The following AMPD1 variants were observed in gnomAD, a reference collection of about 807,000 sequenced individuals.
The protein encoded by AMPD1 is AMP deaminase 1.
Under a neutral mutation model 82.9 loss-of-function variants are expected in AMPD1, and 74 were observed. The ratio of observed to expected loss-of-function variants is 0.89; its 90% confidence interval spans 0.74 to 1.08. AMPD1 has a LOEUF of 1.08. Among genes scored for constraint, AMPD1 ranks in the 50% least tolerant of loss-of-function variants. AMPD1 has a pLI of 0.00. For synonymous variants in AMPD1, 333 were observed against 320.5 expected (o/e 1.04, Z -0.42); for missense variants, 881 against 924.5 (o/e 0.95, Z 0.61).
At chr1:114,678,168 T>C (rs960005448) in intron 8 of AMPD1, 127 bp from the exon 9 acceptor site, 31 of 1,475,896 alleles carry the variant, frequency 2.1e-5, no homozygotes, top group Non-Finnish European at 2.8e-5. Context: ...AGAATGGAAT[T>C]TGGGACAGGT....
intron 15 of AMPD1, 68 bp from the exon 16 acceptor site, chr1:114,673,340 T>C: frequency 6.4e-6 from 10 of 1,570,530 alleles, no homozygotes; most frequent in South Asian, 1.1e-5. Flanking sequence ...ATAATTGCAT[T>C]CTTTACAAAA....
At chr1:114,681,581 G>A (rs139032774) in intron 5 of AMPD1, among the ~76,000 whole-genome samples, 3,707 of 131,538 alleles carry the variant, frequency 0.028, 90 homozygotes, top group Non-Finnish European at 0.036. Flanking sequence ...GTGACAGAGT[G>A]AGACTCCATC....
At chr1:114,677,289 A>C in intron 10 of AMPD1, 62 bp downstream of exon 10, 2 of 1,594,446 alleles carry the variant, frequency 1.3e-6, no homozygotes, top group South Asian at 1.1e-5. Context: ...TTGTTCATAC[A>C]GGGGACTTGA....
intron 2 of AMPD1, 88 bp from the exon 3 acceptor site, chr1:114,688,829 A>G: frequency 6.9e-7 from 1 of 1,459,374 alleles, no homozygotes; most frequent in Non-Finnish European, 9.6e-7. Flanking sequence ...TGGGACAAGG[A>G]CTGTGCTGCG....
chr1:114,679,672 G>A lies in AMPD1; in HGVS notation c.804C>T (p.Ser268=), dbSNP rs1658098296. ...TYTHRRLKFL[S]SKFQVHQMLN... Reference sequence around the variant, plus strand: ...GCATCTGATGGACCTGGAACTTGGAGGAGAGGAACTTCAGGCGCCGGTGGG... The same window carrying A: ...GCATCTGATGGACCTGGAACTTGGAAGAGAGGAACTTCAGGCGCCGGTGGG... The change falls in exon 7 of 16, where the codon TCC becomes TCT. Residue 268 remains serine (S), a synonymous_variant. Transcript: ENST00000520113. 6.2e-7 allele frequency: 1 copy of A among 1,613,870 alleles called. No homozygotes were observed. The highest frequency in any genetic ancestry group is 1.3e-5 in the African/African-American group (1 of 74,844).
intron 2 of AMPD1, 146 bp downstream of exon 2, chr1:114,693,290 A>G (rs1658574566): frequency 1.3e-6 from 1 of 783,998 alleles, no homozygotes; most frequent in African/African-American, 1.7e-5. Flanking sequence ...TGGGATATCT[A>G]TGGTCATTAT....
intron 8 of AMPD1, 52 bp downstream of exon 8, chr1:114,678,279 GAC>G: frequency 6.3e-7 from 1 of 1,588,344 alleles, no homozygotes; most frequent in Non-Finnish European, 8.6e-7. Context: ...GTAGGAGAAA[GAC>G]ATGTGGGGTT....
chr1:114,680,975 A>T (rs766259660), intron 5 of AMPD1, among the ~76,000 whole-genome samples: 22 of 152,220 alleles, frequency 1.4e-4, no homozygotes, highest in Non-Finnish European at 2.8e-4. Flanking sequence ...CTCAAAAAAA[A>T]GAAAAATAAA....
At position 114,673,947 on chromosome 1, in the gene AMPD1, G is replaced by A. The variant is rs748449616; in HGVS notation, c.1936C>T (p.Leu646=). 6.2e-7 allele frequency: 1 copy of A among 1,614,116 alleles called. No homozygotes were observed. Among genetic ancestry groups the A allele is most frequent in the Non-Finnish European group, 8.5e-7 (1 of 1,179,996 alleles). Residue 646 remains leucine, a synonymous_variant, in exon 14 of 16, where the codon CTG becomes TTG. Coordinates refer to ENST00000520113, the MANE Select transcript of AMPD1 (RefSeq NM_000036.3). The part of the protein sequence containing the change: ...DFLQKGLMIS[L]STDDPMQFHF... Reference sequence around the variant, plus strand: ...AATTGCATTGGGTCATCTGTAGACAGTGAGATCATTAGCCCTTTCTGAAGG... The same window carrying A: ...AATTGCATTGGGTCATCTGTAGACAATGAGATCATTAGCCCTTTCTGAAGG...
At chr1:114,680,212 G>T in intron 6 of AMPD1, 47 bp downstream of exon 6, 1 of 1,499,994 alleles carries the variant, frequency 6.7e-7, no homozygotes, top group Non-Finnish European at 9.3e-7. Flanking sequence ...TGTTGTTTAG[G>T]TCTTGTAGTA....
intron 3 of AMPD1, 43 bp downstream of exon 3, chr1:114,688,518 C>T (rs1658385610): frequency 1.2e-6 from 2 of 1,602,874 alleles, no homozygotes; most frequent in African/African-American, 2.7e-5. Context: ...AGATACCCCT[C>T]CTTAGGTGCC....
Position 114,680,396 on chromosome 1 carries a change from C to T in AMPD1, c.630G>A (p.Met210Ile), listed in dbSNP as rs778993158. The change falls in exon 6 of 16, where the codon ATG (methionine) becomes ATA (isoleucine). Residue 210 changes from methionine (M) to isoleucine (I), a missense_variant. Coordinates refer to ENST00000520113, the MANE Select transcript of AMPD1 (RefSeq NM_000036.3). ...LPENLGYHLK[M>I]KDGVVYVYPN... Reference sequence around the variant, plus strand: ...GATAGACGTAAACTACACCGTCCTTCATTTTGAGGTGATAGCCCAGGTTTT... The same window carrying T: ...GATAGACGTAAACTACACCGTCCTTTATTTTGAGGTGATAGCCCAGGTTTT... The T allele has an allele frequency of 3.1e-6, 5 of 1,614,226 alleles. No individual in the cohort carries two copies. Among genetic ancestry groups the T allele is most frequent in the Non-Finnish European group, 4.2e-6 (5 of 1,180,052 alleles).
chr1:114,674,412 C>G (rs759368126), intron 13 of AMPD1, among the ~76,000 whole-genome samples: 42 of 152,152 alleles, frequency 2.8e-4, no homozygotes, highest in Non-Finnish European at 5.3e-4. Context: ...AAAGTTCTGA[C>G]TCTCACAAAA....
Position 114,678,403 on chromosome 1 carries a change from A to T in AMPD1, c.1022T>A (p.Leu341Gln), listed in dbSNP as rs767727681. 1 of 1,614,182 alleles carries T rather than the reference A, an allele frequency of 6.2e-7. No individual in the cohort carries two copies. The highest frequency in any genetic ancestry group is 1.1e-5 in the South Asian group (1 of 91,078). The change falls in exon 8 of 16, where the codon CTA becomes CAA. Residue 341 changes from leucine to glutamine, a missense_variant. Leu to Gln is a moderately radical substitution (Grantham distance 113, BLOSUM62 -2). Coordinates refer to ENST00000520113, the MANE Select transcript of AMPD1 (RefSeq NM_000036.3). ...VYSTKEKNLT[L>Q]KELFAKLKMH... is the part of the protein sequence containing the mutation. The stretch of plus-strand genomic sequence containing the variant: ...TTTTAATTTAGCAAAAAGTTCCTTT[A>T]GGGTCAGATTCTTCTCTTTGGTGCT...
At chr1:114,675,338 AAG>A (rs1657948848) in intron 12 of AMPD1, among the ~76,000 whole-genome samples, 190 bp downstream of exon 12, 1 of 152,202 alleles carries the variant, frequency 6.6e-6, no homozygotes, top group African/African-American at 2.4e-5. Flanking sequence ...AAGTTATTGA[AAG>A]CATCGAAATA....
In AMPD1 at chr1:114,675,511, C is replaced by T; in HGVS notation, c.1679+19G>A. 2 of 1,613,252 alleles carry T rather than the reference C, an allele frequency of 1.2e-6. No homozygotes were observed. Among genetic ancestry groups the T allele is most frequent in the Non-Finnish European group, 1.7e-6 (2 of 1,179,320 alleles). ...CTGTGTCAAATAGACCCTCCTAGCTCCAGCTGTCTCCTACTTACTTTCTCA... is the reference window on the plus strand; with the variant it reads ...CTGTGTCAAATAGACCCTCCTAGCTTCAGCTGTCTCCTACTTACTTTCTCA... On this transcript the variant is annotated intron_variant, in intron 12 of 15. Coordinates refer to ENST00000520113, the MANE Select transcript of AMPD1 (RefSeq NM_000036.3).
chr1:114,673,651 T>A lies in AMPD1; in HGVS notation c.2073A>T (p.Gly691=), dbSNP rs1351089419. 1 of 1,613,798 alleles carries A rather than the reference T, an allele frequency of 6.2e-7. No individual in the cohort carries two copies. Among genetic ancestry groups the A allele is most frequent in the East Asian group, 2.2e-5 (1 of 44,882 alleles). The change falls in exon 15 of 16, where the codon GGA becomes GGT. Residue 691 remains glycine (G), a synonymous_variant. Coordinates refer to ENST00000520113, the MANE Select transcript of AMPD1 (RefSeq NM_000036.3). ...EVARNSVLQC[G]ISHEEKVKFL... ...AAGACAGGTCTACCTCATGAGAAATTCCACACTGCAAGACACTGTTCCTTG... is the reference window on the plus strand; with the variant it reads ...AAGACAGGTCTACCTCATGAGAAATACCACACTGCAAGACACTGTTCCTTG...
chr1:114,692,001 T>C (rs1475524886), intron 2 of AMPD1, among the ~76,000 whole-genome samples: 1 of 152,198 alleles, frequency 6.6e-6, no homozygotes, highest in Non-Finnish European at 1.5e-5. Context: ...GCAAACCACA[T>C]AATAACTGGG....
At chr1:114,693,903 TA>T (rs1157154932) in intron 1 of AMPD1, among the ~76,000 whole-genome samples, 2 of 152,034 alleles carry the variant, frequency 1.3e-5, no homozygotes, top group Non-Finnish European at 2.9e-5. Context: ...TACTTATACT[TA>T]AAAAAACCAT....
Sources: allele counts gnomAD v4.1 joint callset (sites outside exome capture counted in the v4.1 genomes callset), GRCh38; gene constraint gnomAD v4.1.1; transcripts MANE v1.5; gene names NCBI Gene and HGNC (gene_info 2026-07-23, HGNC 2026-07-21).